The following VWF variants were observed in gnomAD, a reference collection of about 807,000 sequenced individuals.
VWF encodes the protein von Willebrand factor.
VWF carries 176 observed loss-of-function variants against 308.6 expected under a neutral mutation model. The observed-to-expected ratio is 0.57, with a 90% CI of 0.50 to 0.65. The LOEUF (loss-of-function observed/expected upper bound fraction) is 0.65. VWF is among the 30% of genes least tolerant of loss of function. VWF has a pLI of 0.00. For synonymous variants in VWF, 1,385 were observed against 1,443.4 expected, an observed-to-expected ratio of 0.96 and a Z score of 0.92; for missense variants, 3,146 against 3,648.2, an observed-to-expected ratio of 0.86 and a Z score of 3.55.
chr12:5,987,128 T>C (rs216877), intron 38 of VWF, among the ~76,000 whole-genome samples: 126,142 of 152,092 alleles, frequency 0.83, 52,915 homozygotes, highest in East Asian at 0.92. Flanking sequence ...GATTTCACCA[T>C]GTTGGCCAGG....
chr12:5,979,408 G>A (rs1038218284), intron 42 of VWF, among the ~76,000 whole-genome samples: 1 of 152,208 alleles, frequency 6.6e-6, no homozygotes, highest in African/African-American at 2.4e-5. Context: ...ACTTCACAAT[G>A]CAGAAATAGG....
intron 15 of VWF, 125 bp downstream of exon 15, chr12:6,056,732 C>T (rs932880555): frequency 2.7e-5 from 23 of 837,554 alleles, no homozygotes; most frequent in Non-Finnish European, 3.8e-5. Context: ...CCTCCCCACC[C>T]GTGTTTGTCA....
rs966197679 is a variant in VWF, at chr12:6,121,980, CCATCTGTAACCCAA to C, written c.56-656_56-643del. Among the ~76,000 whole-genome samples, 135 of 151,954 alleles carry C rather than the reference CCATCTGTAACCCAA, an allele frequency of 8.9e-4. 1 individual carries two copies. Among genetic ancestry groups the C allele is most frequent in the African/African-American group, 3.1e-3 (129 of 41,454 alleles). On this transcript the variant is annotated intron_variant, in intron 2 of 51. Transcript: ENST00000261405. Reference sequence around the variant, plus strand: ...AAAAGAAAAGACAAAGAAGTTAAAACCATCTGTAACCCAACATTCAGCGATGATTAGAGTTAACA... The same window carrying C: ...AAAAGAAAAGACAAAGAAGTTAAAACCATTCAGCGATGATTAGAGTTAACA...
rs770781601 is a variant in VWF at position 6,073,732 on chromosome 12, C to T, written c.884G>A (p.Cys295Tyr). The T allele has an allele frequency of 1.9e-6, 3 of 1,613,982 alleles. No individual in the cohort carries two copies. The highest frequency in any genetic ancestry group is 2.5e-6 in the Non-Finnish European group (3 of 1,180,002). The change falls in exon 8 of 52, where the codon TGC becomes TAC. Residue 295 changes from cysteine (C) to tyrosine (Y), a missense_variant. Physicochemically the swap from Cys to Tyr is radical, Grantham distance 194 (BLOSUM62 -2). Around this residue, in one of 3 missense-constraint regions of VWF, gnomAD observed 1,304 missense variants for 1,353.0 expected, o/e 0.96. Coordinates refer to ENST00000261405, the MANE Select transcript of VWF (RefSeq NM_000552.5). ...WTDHSACSPV[C>Y]PAGMEYRQCV... ...CTGCCTATACTCCATACCAGCAGGG[C>T]ACACTGGGCCTGAAAAGGAACATCA...
Position 6,020,849 on chromosome 12 carries a change from G to A in VWF, c.3674+1051C>T, listed in dbSNP as rs1308083478. Reference sequence around the variant, plus strand: ...TGCTTGCAGCTTCAGCGTGCACCGTGGCAGCTGCCCCTGCCCGTGTGCCAG... The same window carrying A: ...TGCTTGCAGCTTCAGCGTGCACCGTAGCAGCTGCCCCTGCCCGTGTGCCAG... On this transcript the variant is annotated intron_variant, in intron 27 of 51. Transcript: ENST00000261405. This position sits in a 1 kb window ranked among gnomAD's most constrained non-coding sequence, Gnocchi z 4.3. Among the ~76,000 whole-genome samples, 1 of 152,256 alleles carries A rather than the reference G, an allele frequency of 6.6e-6. No homozygotes were observed. Among genetic ancestry groups the A allele is most frequent in the African/African-American group, 2.4e-5 (1 of 41,454 alleles).
intron 13 of VWF, 129 bp downstream of exon 13, chr12:6,062,825 C>A (rs1591894007): frequency 2.6e-6 from 2 of 761,398 alleles, no homozygotes; most frequent in East Asian, 2.7e-5. Flanking sequence ...CTGTTTCTCG[C>A]TCTGGGGGTG....
At chr12:6,117,064 A>G (rs1011270080) in intron 3 of VWF, among the ~76,000 whole-genome samples, 2 of 151,820 alleles carry the variant, frequency 1.3e-5, no homozygotes, top group African/African-American at 4.8e-5. Flanking sequence ...CACCACCACC[A>G]ACAAGAGGCA....
At chr12:6,094,923 G>A (rs777832190) in intron 6 of VWF, among the ~76,000 whole-genome samples, 11 of 124,660 alleles carry the variant, frequency 8.8e-5, no homozygotes, top group African/African-American at 2.7e-4. Flanking sequence ...TCACTCTGTC[G>A]CCCAGGCTGG....
chr12:6,068,830 T>TGCG (rs1280885022), intron 10 of VWF, among the ~76,000 whole-genome samples: 72 of 121,976 alleles, frequency 5.9e-4, no homozygotes, highest in African/African-American at 2.9e-3. Flanking sequence ...TTTTTTTTTT[T>TGCG]TTTGCGTGTG....
At chr12:5,960,526 G>A (rs1347528118) in intron 47 of VWF, among the ~76,000 whole-genome samples, 1 of 151,962 alleles carries the variant, frequency 6.6e-6, no homozygotes, top group Admixed American at 6.6e-5. Flanking sequence ...TCTAACAAAA[G>A]CATTAAAGAG....
At chr12:6,025,078 T>C (rs1366798569) in intron 24 of VWF, among the ~76,000 whole-genome samples, 4 of 150,802 alleles carry the variant, frequency 2.7e-5, no homozygotes, top group Non-Finnish European at 4.4e-5. Flanking sequence ...AATTCCTCCT[T>C]GTCATTAGAG....
intron 5 of VWF, among the ~76,000 whole-genome samples, chr12:6,096,498 C>T (rs1229745858): frequency 1.3e-5 from 2 of 152,214 alleles, no homozygotes; most frequent in Admixed American, 6.5e-5. Flanking sequence ...TCATATTCAT[C>T]TCCCATTCAA....
chr12:6,040,957 G>C (rs1944390271), intron 18 of VWF, among the ~76,000 whole-genome samples: 1 of 152,176 alleles, frequency 6.6e-6, no homozygotes, highest in South Asian at 2.1e-4. Context: ...TGAGAACAGG[G>C]CTGCTCAAAG....
chr12:6,119,262 A>G (rs1945404428), intron 3 of VWF, among the ~76,000 whole-genome samples: 2 of 152,168 alleles, frequency 1.3e-5, no homozygotes, highest in Non-Finnish European at 2.9e-5. Flanking sequence ...CCCTAAGAGC[A>G]GCAGCAGCAG....
intron 41 of VWF, 54 bp downstream of exon 41, chr12:5,983,096 C>A: frequency 6.4e-7 from 1 of 1,563,698 alleles, no homozygotes; most frequent in South Asian, 1.1e-5. Context: ...GATGGCCTCC[C>A]TCACACCAGC....
intron 34 of VWF, among the ~76,000 whole-genome samples, chr12:6,009,521 T>C (rs1236895704): frequency 4.6e-5 from 7 of 151,818 alleles, no homozygotes; most frequent in Non-Finnish European, 1.0e-4. Flanking sequence ...TGTGCATTGA[T>C]GGTAGGAATG....
At position 6,057,068 on chromosome 12, in the gene VWF, C is replaced by A; in HGVS notation, c.1734G>T (p.Arg578Ser). The change falls in exon 15 of 52, where the codon AGG becomes AGT. Residue 578 changes from arginine (R) to serine (S), a missense_variant. This residue lies in a region of VWF where 1,304 missense variants were observed against 1,353.0 expected (regional missense o/e 0.96). Coordinates refer to ENST00000261405, the MANE Select transcript of VWF (RefSeq NM_000552.5). ...DPCALNPRMT[R>S]FSEEACAVLT... Reference sequence around the variant, plus strand: ...GGACCGCGCACGCCTCCTCGGAGAACCTGGCTGTGGGGCGAGAGGAGCGAG... The same window carrying A: ...GGACCGCGCACGCCTCCTCGGAGAAACTGGCTGTGGGGCGAGAGGAGCGAG... 1.3e-6 allele frequency: 2 copies of A among 1,538,744 alleles called. No homozygotes were observed. Among genetic ancestry groups the A allele is most frequent in the East Asian group, 4.8e-5 (2 of 41,472 alleles).
chr12:5,968,039 G>T, intron 46 of VWF, 88 bp downstream of exon 46: 1 of 1,576,682 alleles, frequency 6.3e-7, no homozygotes. Flanking sequence ...CTTCATTTCT[G>T]CTTTACAATG....
chr12:6,017,301 T>G (rs1447123861), intron 28 of VWF, among the ~76,000 whole-genome samples: 2 of 152,212 alleles, frequency 1.3e-5, no homozygotes, highest in African/African-American at 4.8e-5. Context: ...GCAGGGCAGG[T>G]GAACATACTG....
Sources: gnomAD v4.1 joint callset for allele counts (sites outside exome capture counted in the v4.1 genomes callset) on GRCh38, gnomAD v4.1.1 for gene constraint, gnomAD v4.1.1 regional missense constraint, Gnocchi (gnomAD v3.1) non-coding constraint, MANE v1.5 for transcripts, NCBI Gene and HGNC (gene_info 2026-07-23, HGNC 2026-07-21) for gene names.